The following ESRP1 variants were observed in gnomAD, a reference collection of about 807,000 sequenced individuals.
ESRP1 encodes the protein RNA-binding motif protein 35A.
ESRP1 carries 33 observed loss-of-function variants against 81.7 expected under a neutral mutation model. That is an observed-to-expected ratio of 0.40 (90% CI 0.31 to 0.54). The LOEUF is 0.54. Ranked by LOEUF, ESRP1 falls within the 20% of genes least tolerant of loss-of-function variation. The pLI is 0.41. For missense variants in ESRP1, 672 were observed against 833.1 expected (o/e 0.81, Z 2.38); for synonymous variants, 320 against 303.3 (o/e 1.06, Z -0.57).
intron 15 of ESRP1, among the ~76,000 whole-genome samples, chr8:94,700,979 G>GTGTGTGTA (rs1563552494): frequency 1.4e-4 from 18 of 132,586 alleles, no homozygotes; most frequent in Admixed American, 4.6e-4. Flanking sequence ...GTGTGTGTGT[G>GTGTGTGTA]TGTGTTAAGA....
At chr8:94,703,280 G>T (rs531404016) in intron 15 of ESRP1, among the ~76,000 whole-genome samples, 1 of 151,844 alleles carries the variant, frequency 6.6e-6, no homozygotes, top group African/African-American at 2.4e-5. Context: ...TCAGCCTCCC[G>T]AGTAGCTGGG....
At chr8:94,657,115 T>G (rs187860611) in intron 4 of ESRP1, among the ~76,000 whole-genome samples, 1 of 152,300 alleles carries the variant, frequency 6.6e-6, no homozygotes, top group African/African-American at 2.4e-5. Context: ...CATATAAAGT[T>G]TTACTTGCTC....
At chr8:94,652,345 T>A (rs1352700384) in intron 4 of ESRP1, among the ~76,000 whole-genome samples, 2 of 152,158 alleles carry the variant, frequency 1.3e-5, no homozygotes, top group East Asian at 1.9e-4. Context: ...TGCATTGTTG[T>A]CTGCTTTTGA....
intron 13 of ESRP1, among the ~76,000 whole-genome samples, chr8:94,690,225 T>C (rs1809337663): frequency 6.6e-6 from 1 of 151,376 alleles, no homozygotes; most frequent in Admixed American, 6.6e-5. Flanking sequence ...ATCACCCACT[T>C]TCATCTCCCA....
chr8:94,692,558 T>G, intron 13 of ESRP1, 119 bp from the exon 14 acceptor site: 45 of 1,066,366 alleles, frequency 4.2e-5, no homozygotes, highest in Non-Finnish European at 5.5e-5. Flanking sequence ...AAGACAGCTC[T>G]GAGAAGTATA....
chr8:94,646,173 A>C lies in ESRP1; in HGVS notation c.381A>C (p.Val127=). The change falls in exon 4 of 16, where the codon GTA becomes GTC. Residue 127 remains valine (V), a synonymous_variant. Transcript: ENST00000433389. ...TCTACCTTGTCCTTCCTCAGAATGTACTATTACCTGAATGCTTCTATTCCT... is the reference window on the plus strand; with the variant it reads ...TCTACCTTGTCCTTCCTCAGAATGTCCTATTACCTGAATGCTTCTATTCCT... The part of the protein sequence containing the change: ...ILHPEASKKN[V]LLPECFYSFF... 6.3e-7 allele frequency: 1 copy of C among 1,593,270 alleles called. No individual in the cohort carries two copies. The highest frequency in any genetic ancestry group is 8.6e-7 in the Non-Finnish European group (1 of 1,162,496).
intron 12 of ESRP1, among the ~76,000 whole-genome samples, chr8:94,675,212 G>A (rs887374072): frequency 1.3e-5 from 2 of 152,186 alleles, no homozygotes; most frequent in Non-Finnish European, 2.9e-5. Flanking sequence ...ATGGGGATCT[G>A]ATGTTAAAAT....
chr8:94,660,647 GGT>G (rs1252260599), intron 4 of ESRP1, among the ~76,000 whole-genome samples: 4 of 139,658 alleles, frequency 2.9e-5, no homozygotes, highest in Non-Finnish European at 6.1e-5. Flanking sequence ...CTGAGGTAGA[GGT>G]TGCAGTGAGC....
intron 13 of ESRP1, among the ~76,000 whole-genome samples, chr8:94,683,686 T>C (rs1218359118): frequency 6.6e-6 from 1 of 152,182 alleles, no homozygotes; most frequent in Non-Finnish European, 1.5e-5. Flanking sequence ...ATAGTAATAG[T>C]GATGCAATAT....
chr8:94,683,952 A>AT (rs1052287150), intron 13 of ESRP1, among the ~76,000 whole-genome samples: 6 of 152,256 alleles, frequency 3.9e-5, no homozygotes, highest in African/African-American at 1.2e-4. Flanking sequence ...GGTTCAAGCG[A>AT]TTCTCCTGCC....
At chr8:94,666,031 A>G (rs1470324303) in intron 9 of ESRP1, among the ~76,000 whole-genome samples, 1 of 152,240 alleles carries the variant, frequency 6.6e-6, no homozygotes, top group East Asian at 1.9e-4. Context: ...ATAACTTTAA[A>G]GGAAGTAACA....
chr8:94,661,327 T>A (rs1818735998), intron 4 of ESRP1, among the ~76,000 whole-genome samples: 2 of 152,128 alleles, frequency 1.3e-5, no homozygotes, highest in African/African-American at 4.8e-5. Flanking sequence ...CAGGTGTGAG[T>A]CACTGTGCCC....
Position 94,688,410 on chromosome 8 carries a change from T to C in ESRP1, c.1821-4267T>C, listed in dbSNP as rs146164778. ...TGAGATCACAGAGCTGGGGAAATTG[T>C]TGTGAACCTCACAGGCAAGTTAAAC... On this transcript the variant is annotated intron_variant, in intron 13 of 15. Transcript: ENST00000433389. 1.5e-3 allele frequency: 420 copies of C among 278,512 alleles called. 1 individual carries two copies. In the Middle Eastern group the frequency reaches 0.023, roughly 15 times the overall value. The allele number at this position is 278,512 out of a possible 1,614,324, so 17.3% of individuals were successfully genotyped here.
chr8:94,663,346 A>C (rs1252725657), intron 6 of ESRP1, among the ~76,000 whole-genome samples: 1 of 152,106 alleles, frequency 6.6e-6, no homozygotes, highest in African/African-American at 2.4e-5. Context: ...CCCGGGTTCA[A>C]GCGATTCTTG....
chr8:94,653,818 A>AT (rs1185663886), intron 4 of ESRP1, among the ~76,000 whole-genome samples: 6 of 147,854 alleles, frequency 4.1e-5, no homozygotes, highest in Non-Finnish European at 9.1e-5. Context: ...TATATATATA[A>AT]AATCAAGTAT....
Position 94,643,428 on chromosome 8 carries a change from G to A in ESRP1, c.375+12G>A, listed in dbSNP as rs774911555. Reference sequence around the variant, plus strand: ...AGGCTTCCAAGAAGGTAAGAGTGCTGGCTTCTGGGAAAAAAATGGTTGGAG... The same window carrying A: ...AGGCTTCCAAGAAGGTAAGAGTGCTAGCTTCTGGGAAAAAAATGGTTGGAG... On this transcript the variant is annotated intron_variant, in intron 3 of 15. Coordinates refer to ENST00000433389, the MANE Select transcript of ESRP1 (RefSeq NM_017697.4). The A allele has an allele frequency of 1.9e-6, 3 of 1,585,102 alleles. No individual in the cohort carries two copies. Among genetic ancestry groups the A allele is most frequent in the Non-Finnish European group, 2.6e-6 (3 of 1,154,374 alleles).
intron 14 of ESRP1, among the ~76,000 whole-genome samples, chr8:94,695,930 G>A (rs1586259443): frequency 6.6e-6 from 1 of 152,094 alleles, no homozygotes; most frequent in African/African-American, 2.4e-5. Flanking sequence ...ACGCATGGTG[G>A]TGCATGCCTG....
chr8:94,665,314 A>G (rs1340398658), intron 9 of ESRP1, 118 bp downstream of exon 9: 24 of 984,008 alleles, frequency 2.4e-5, no homozygotes, highest in Non-Finnish European at 3.5e-5. Flanking sequence ...CTAATGGAAC[A>G]TGGGAATAGA....
rs192085450 is a variant in ESRP1 at position 94,678,296 on chromosome 8, G to A, written c.1745G>A (p.Arg582Gln). 10 of 1,613,866 alleles carry A rather than the reference G, an allele frequency of 6.2e-6. No individual in the cohort carries two copies. The East Asian group carries it at 8.9e-5, about 14-fold the overall frequency. ...IYQPSVILNP[R>Q]ALQPSTAYYP... ...CAGCCCTCTGTGATTTTGAATCCAC[G>A]AGCACTGCAGCCCTCCACAGCGTAC... The change falls in exon 13 of 16, where the codon CGA becomes CAA. Residue 582 changes from arginine to glutamine, a missense_variant. Physicochemically the swap from Arg to Gln is conservative, Grantham distance 43 (BLOSUM62 1). Transcript: ENST00000433389.
Sources: gnomAD v4.1 joint callset for allele counts (sites outside exome capture counted in the v4.1 genomes callset) on GRCh38, gnomAD v4.1.1 for gene constraint, MANE v1.5 for transcripts, NCBI Gene and HGNC (gene_info 2026-07-23, HGNC 2026-07-21) for gene names.